The following EEPD1 variants were observed in gnomAD, a reference collection of about 807,000 sequenced individuals.
EEPD1 encodes the protein endonuclease/exonuclease/phosphatase family domain containing 1, also known as endonuclease/exonuclease/phosphatase family domain-containing protein 1.
Under a neutral mutation model 46.3 loss-of-function variants are expected in EEPD1, and 17 were observed. The observed-to-expected ratio is 0.37, with a 90% CI of 0.25 to 0.55. The LOEUF (loss-of-function observed/expected upper bound fraction) is 0.55. EEPD1 is among the 20% of genes least tolerant of loss of function. The pLI is 0.83. For synonymous variants in EEPD1, 313 were observed against 315.6 expected (o/e 0.99, Z 0.09); for missense variants, 673 against 745.6 (o/e 0.90, Z 1.13).
chr7:36,226,130 C>CTAAG (rs1270816437), intron 2 of EEPD1, among the ~76,000 whole-genome samples: 1 of 152,174 alleles, frequency 6.6e-6, no homozygotes, highest in Admixed American at 6.5e-5. Flanking sequence ...TATTCTGGAT[C>CTAAG]TAAGCCTTAG....
chr7:36,171,040 G>T (rs1405478799), intron 2 of EEPD1, among the ~76,000 whole-genome samples: 1 of 152,152 alleles, frequency 6.6e-6, no homozygotes, highest in African/African-American at 2.4e-5. Flanking sequence ...TCCTGCCTCA[G>T]CCTCCCAAGT....
At chr7:36,253,831 A>G (rs528661045) in intron 3 of EEPD1, among the ~76,000 whole-genome samples, 142 of 152,232 alleles carry the variant, frequency 9.3e-4, no homozygotes, top group African/African-American at 3.2e-3. Flanking sequence ...TGCATCTTAA[A>G]TGTGTCTCCT....
intron 6 of EEPD1, among the ~76,000 whole-genome samples, chr7:36,290,343 T>C (rs960738995): frequency 1.3e-5 from 2 of 152,012 alleles, no homozygotes; most frequent in African/African-American, 4.8e-5. Context: ...CTCATCCAAG[T>C]AGGGACAATG....
chr7:36,246,117 C>T (rs187412752), intron 3 of EEPD1, among the ~76,000 whole-genome samples: 7 of 152,322 alleles, frequency 4.6e-5, no homozygotes, highest in African/African-American at 1.4e-4. Context: ...GACCAGAGGG[C>T]GGACCACTGG....
intron 3 of EEPD1, among the ~76,000 whole-genome samples, chr7:36,259,089 T>C (rs1036527002): frequency 6.6e-6 from 1 of 152,156 alleles, no homozygotes; most frequent in Non-Finnish European, 1.5e-5. Flanking sequence ...TTCCCTTGGC[T>C]ACGGGAGGGA....
chr7:36,171,677 A>C (rs1785085264), intron 2 of EEPD1, among the ~76,000 whole-genome samples: 1 of 152,160 alleles, frequency 6.6e-6, no homozygotes, highest in South Asian at 2.1e-4. Flanking sequence ...TTTGGTGTTA[A>C]TTGTGTCTTT....
chr7:36,246,274 A>T (rs772346614), intron 3 of EEPD1, among the ~76,000 whole-genome samples: 1 of 152,172 alleles, frequency 6.6e-6, no homozygotes, highest in Admixed American at 6.5e-5. Flanking sequence ...CACTGAGTTC[A>T]TGCTGTGAGG....
chr7:36,231,585 C>T (rs541716860), intron 2 of EEPD1, among the ~76,000 whole-genome samples: 12 of 152,234 alleles, frequency 7.9e-5, no homozygotes, highest in South Asian at 2.1e-4. Context: ...CTCGGGCATA[C>T]GCTGAAGCAG....
intron 2 of EEPD1, among the ~76,000 whole-genome samples, chr7:36,219,056 T>A (rs1478727702): frequency 6.6e-6 from 1 of 152,130 alleles, no homozygotes; most frequent in Non-Finnish European, 1.5e-5. Flanking sequence ...ATAAGAGAAA[T>A]TATTTTTCCT....
At chr7:36,183,791 T>C (rs1047372985) in intron 2 of EEPD1, among the ~76,000 whole-genome samples, 2 of 151,996 alleles carry the variant, frequency 1.3e-5, no homozygotes, top group Non-Finnish European at 2.9e-5. Flanking sequence ...TGAGCCACTG[T>C]GTCCCGCCAG....
At chr7:36,181,988 A>G (rs28712776) in intron 2 of EEPD1, among the ~76,000 whole-genome samples, 14,858 of 152,258 alleles carry the variant, frequency 0.098, 753 homozygotes, top group East Asian at 0.12. Context: ...GTTTCTTACC[A>G]TTGATGAAAG....
intron 2 of EEPD1, among the ~76,000 whole-genome samples, chr7:36,220,359 A>C (rs561183930): frequency 1.3e-5 from 2 of 152,300 alleles, no homozygotes; most frequent in East Asian, 3.9e-4. Context: ...GAAGTCCCCA[A>C]TTCACTTGGG....
intron 2 of EEPD1, among the ~76,000 whole-genome samples, chr7:36,174,511 T>C (rs1375853642): frequency 6.6e-6 from 1 of 152,228 alleles, no homozygotes; most frequent in African/African-American, 2.4e-5. Flanking sequence ...CTGGATCAAT[T>C]ACTGCCTCCC....
intron 5 of EEPD1, among the ~76,000 whole-genome samples, chr7:36,286,510 CCTGAGCAG>C (rs1313850069): frequency 2.6e-5 from 4 of 152,216 alleles, no homozygotes; most frequent in African/African-American, 9.7e-5. Flanking sequence ...ATTGCTAAGC[CCTGAGCAG>C]CTGAGCAGTG....
intron 3 of EEPD1, among the ~76,000 whole-genome samples, chr7:36,272,067 G>C (rs965713656): frequency 5.3e-5 from 8 of 151,998 alleles, no homozygotes; most frequent in African/African-American, 1.9e-4. Flanking sequence ...GTTTTTAGTA[G>C]AGACAGGGTT....
chr7:36,195,366 C>T (rs1026298650), intron 2 of EEPD1, among the ~76,000 whole-genome samples: 2 of 152,186 alleles, frequency 1.3e-5, no homozygotes, highest in Admixed American at 6.5e-5. Flanking sequence ...GGTGGCAATG[C>T]CTCACTGCCT....
Position 36,282,695 on chromosome 7 carries a change from G to A in EEPD1, c.1041+1470G>A, listed in dbSNP as rs190946473. Among the ~76,000 whole-genome samples the A allele has an allele frequency of 5.8e-4, 88 of 152,360 alleles. 1 individual carries two copies. Among genetic ancestry groups the A allele is most frequent in the South Asian group, 3.9e-3 (19 of 4,830 alleles). On this transcript the variant is annotated intron_variant, in intron 4 of 7. Coordinates refer to ENST00000242108, the MANE Select transcript of EEPD1 (RefSeq NM_030636.3). ...CTATGCATTGGAATGCATCATGAAC[G>A]TAGCGCAGGCCAGGGCCAGGCGGAA... is the stretch of plus-strand genomic sequence containing the variant.
chr7:36,167,337 T>C (rs1785002336), intron 2 of EEPD1, among the ~76,000 whole-genome samples: 1 of 152,186 alleles, frequency 6.6e-6, no homozygotes, highest in Admixed American at 6.5e-5. Context: ...GAGTTTTTTC[T>C]GGAGGGATGA....
intron 5 of EEPD1, among the ~76,000 whole-genome samples, chr7:36,285,333 C>A (rs891055296): frequency 6.6e-6 from 1 of 152,102 alleles, no homozygotes; most frequent in Non-Finnish European, 1.5e-5. Context: ...AGGCCCGATT[C>A]CTTTATTACC....
Sources: gnomAD v4.1 joint callset for allele counts (sites outside exome capture counted in the v4.1 genomes callset) on GRCh38, gnomAD v4.1.1 for gene constraint, MANE v1.5 for transcripts, NCBI Gene and HGNC (gene_info 2026-07-23, HGNC 2026-07-21) for gene names.